PATJ: variants seen among roughly 807,000 people sequenced by gnomAD.
PATJ encodes inaD-like protein.
A neutral mutation model predicts 224.9 loss-of-function variants in PATJ; 190 were observed. That is an observed-to-expected ratio of 0.84 (90% CI 0.75 to 0.95). The LOEUF (loss-of-function observed/expected upper bound fraction) is 0.95, where lower values mean the gene tolerates loss of function less well. Ranked by LOEUF, PATJ falls within the 40% of genes least tolerant of loss-of-function variation. The probability of loss-of-function intolerance (pLI) is 0.00; values close to 1 mark genes in which losing one functional copy is unlikely to be tolerated. For missense variants in PATJ, 2,121 were observed against 2,270.3 expected, an observed-to-expected ratio of 0.93 and a Z score of 1.34; for synonymous variants, 769 against 820.3, an observed-to-expected ratio of 0.94 and a Z score of 1.07.
intron 41 of PATJ, among the ~76,000 whole-genome samples, chr1:62,138,031 C>A (rs1317486128): frequency 6.6e-6 from 1 of 152,122 alleles, no homozygotes; most frequent in Non-Finnish European, 1.5e-5. Flanking sequence ...GGGAGAGTTC[C>A]TTCTCTTCCT....
intron 42 of PATJ, among the ~76,000 whole-genome samples, chr1:62,151,539 C>T (rs1026046733): frequency 4.6e-5 from 7 of 152,202 alleles, no homozygotes; most frequent in South Asian, 2.1e-4. Flanking sequence ...TGCAGTGAGC[C>T]GAGATAGCGC....
At chr1:62,098,252 G>T (rs1045649146) in intron 33 of PATJ, among the ~76,000 whole-genome samples, 2 of 151,768 alleles carry the variant, frequency 1.3e-5, no homozygotes, top group African/African-American at 4.8e-5. Context: ...CCAGCTACTC[G>T]GGAGGCTGAG....
chr1:61,753,324 T>G (rs1171314325), intron 1 of PATJ, among the ~76,000 whole-genome samples: 1 of 152,066 alleles, frequency 6.6e-6, no homozygotes, highest in Non-Finnish European at 1.5e-5. Flanking sequence ...CCAATTCACA[T>G]GTGCAGTTAG....
intron 40 of PATJ, 194 bp downstream of exon 40, chr1:62,128,288 T>C: frequency 3.7e-6 from 2 of 546,614 alleles, no homozygotes; most frequent in Non-Finnish European, 6.3e-6. Flanking sequence ...TATTATTATT[T>C]GTATCAAAGC....
chr1:61,895,881 G>T (rs543835512), intron 22 of PATJ, among the ~76,000 whole-genome samples: 1 of 152,210 alleles, frequency 6.6e-6, no homozygotes, highest in African/African-American at 2.4e-5. Context: ...AAGCAGCCAT[G>T]GGGGCTGTAC....
chr1:62,031,843 A>G (rs1190270882), intron 29 of PATJ, among the ~76,000 whole-genome samples: 1 of 152,218 alleles, frequency 6.6e-6, no homozygotes, highest in Non-Finnish European at 1.5e-5. Context: ...ACTACTACCT[A>G]GACTTGTTAT....
chr1:61,796,687 T>TTTC (rs200327353), intron 10 of PATJ, among the ~76,000 whole-genome samples: 31 of 30,640 alleles, frequency 1.0e-3, no homozygotes, highest in Admixed American at 6.1e-3. Context: ...TCTTTCTTTC[T>TTTC]TTCTTTCTTT....
In PATJ at chr1:62,117,171, C is replaced by G. The variant is rs761479413; in HGVS notation, c.4843C>G (p.Arg1615Gly). 3 of 1,613,962 alleles carry G rather than the reference C, an allele frequency of 1.9e-6. No individual in the cohort carries two copies. In the African/African-American group the frequency reaches 4.0e-5, roughly 22 times the overall value. Reference protein sequence around the residue: ...GLVQLEIGRLRAGSWTSARTT... With the variant: ...GLVQLEIGRLGAGSWTSARTT... ...TGTGCAGCTAGAGATTGGAAGACTC[C>G]GAGCTGGTTCCTGGACCTCCGCAAG... The change falls in exon 37 of 44, where the codon CGA becomes GGA. Residue 1615 changes from arginine (R) to glycine (G), a missense_variant. By Grantham distance (125) the Arg-to-Gly change is moderately radical (BLOSUM62 -2). Transcript: ENST00000642238.
At chr1:62,129,716 G>T (rs541917300) in intron 41 of PATJ, among the ~76,000 whole-genome samples, 41 of 152,246 alleles carry the variant, frequency 2.7e-4, no homozygotes, top group Non-Finnish European at 5.3e-4. Flanking sequence ...TGAGGTGGGC[G>T]GATCACCTGA....
Position 61,911,499 on chromosome 1 carries a change from A to G in PATJ, c.3492+3017A>G, listed in dbSNP as rs191125164. 2.2e-3 allele frequency among the ~76,000 whole-genome samples: 332 copies of G among 152,050 alleles called. 1 individual carries two copies. Among genetic ancestry groups the G allele is most frequent in the African/African-American group, 7.6e-3 (314 of 41,486 alleles). On this transcript the variant is annotated intron_variant, in intron 25 of 43. Coordinates refer to ENST00000642238, the MANE Select transcript of PATJ (RefSeq NM_001350145.3). ...AGTGAGCCACCGCACCTAGCCACCA[A>G]TACACCTTTTAAATCTTCTTACCCT... is the stretch of plus-strand genomic sequence containing the variant.
At chr1:62,109,145 G>A (rs969173410) in intron 34 of PATJ, among the ~76,000 whole-genome samples, 5 of 151,450 alleles carry the variant, frequency 3.3e-5, no homozygotes, top group African/African-American at 4.9e-5. Flanking sequence ...AGGAGAAGGC[G>A]ATGCCAGGCG....
intron 22 of PATJ, among the ~76,000 whole-genome samples, chr1:61,887,955 A>G (rs988693643): frequency 6.6e-6 from 1 of 152,178 alleles, no homozygotes; most frequent in African/African-American, 2.4e-5. Flanking sequence ...GATGATGTGC[A>G]TTTCTCTGTT....
intron 11 of PATJ, among the ~76,000 whole-genome samples, chr1:61,799,475 G>A (rs569167082): frequency 6.6e-6 from 1 of 152,286 alleles, no homozygotes; most frequent in Admixed American, 6.5e-5. Flanking sequence ...GATTACAGGC[G>A]TGATCCACCA....
chr1:61,890,084 C>T (rs973760415), intron 22 of PATJ, among the ~76,000 whole-genome samples: 5 of 152,172 alleles, frequency 3.3e-5, no homozygotes, highest in African/African-American at 9.7e-5. Flanking sequence ...GAGTGATGTT[C>T]ATATCTTTCT....
At chr1:61,858,906 C>A (rs1039642368) in intron 18 of PATJ, among the ~76,000 whole-genome samples, 1 of 152,152 alleles carries the variant, frequency 6.6e-6, no homozygotes, top group Non-Finnish European at 1.5e-5. Context: ...TAAGTAAGTT[C>A]TTGACCTTTT....
chr1:61,800,293 CTGACTGATATGAGATGGTATCTCAT>C (rs1652210557), intron 11 of PATJ, among the ~76,000 whole-genome samples: 1 of 152,180 alleles, frequency 6.6e-6, no homozygotes, highest in Non-Finnish European at 1.5e-5. Flanking sequence ...AATGGCCATT[CTGACTGATATGAGATGGTATCTCAT>C]TGTGGTTTGA....
intron 32 of PATJ, among the ~76,000 whole-genome samples, chr1:62,083,173 C>T (rs1659500636): frequency 6.6e-6 from 1 of 152,206 alleles, no homozygotes; most frequent in Non-Finnish European, 1.5e-5. Flanking sequence ...CTTGGCCAGG[C>T]TAGAGTGCAA....
intron 28 of PATJ, among the ~76,000 whole-genome samples, chr1:62,007,522 T>A (rs1646164847): frequency 6.6e-6 from 1 of 152,252 alleles, no homozygotes; most frequent in Non-Finnish European, 1.5e-5. Context: ...GAAAGAGGTA[T>A]GTCAGTTAGA....
At chr1:61,780,978 C>G (rs544651118) in intron 7 of PATJ, among the ~76,000 whole-genome samples, 1 of 152,104 alleles carries the variant, frequency 6.6e-6, no homozygotes, top group Non-Finnish European at 1.5e-5. Flanking sequence ...GAAGTACTTA[C>G]GCCAGACATT....
Sources: allele counts gnomAD v4.1 joint callset (sites outside exome capture counted in the v4.1 genomes callset), GRCh38; gene constraint gnomAD v4.1.1; transcripts MANE v1.5; gene names NCBI Gene and HGNC (gene_info 2026-07-23, HGNC 2026-07-21).